Variants in NXPH1 observed in about 807,000 individuals in gnomAD.
The protein encoded by NXPH1 is neurexophilin-1.
Under a neutral mutation model 23.7 loss-of-function variants are expected in NXPH1, and 5 were observed. The observed-to-expected ratio is 0.21, with a 90% CI of 0.11 to 0.44. The LOEUF is 0.44. Ranked by LOEUF, NXPH1 falls within the 20% of genes least tolerant of loss-of-function variation. The pLI, the probability that NXPH1 is intolerant of heterozygous loss-of-function variation, is 0.99. For synonymous variants in NXPH1, 144 were observed against 122.2 expected (o/e 1.18, Z -1.18); for missense variants, 324 against 321.6 (o/e 1.01, Z -0.06).
At chr7:8,539,298 A>G (rs928116039) in intron 2 of NXPH1, among the ~76,000 whole-genome samples, 4 of 151,832 alleles carry the variant, frequency 2.6e-5, no homozygotes, top group Non-Finnish European at 5.9e-5. Context: ...CTTGCAGAAA[A>G]ACAGCTAAAG....
chr7:8,734,629 G>T (rs1780217186), intron 2 of NXPH1, among the ~76,000 whole-genome samples: 1 of 152,124 alleles, frequency 6.6e-6, no homozygotes, highest in Non-Finnish European at 1.5e-5. Flanking sequence ...GTCAATTTTA[G>T]AATAAGTGTG....
chr7:8,467,847 T>C (rs1035838984), intron 2 of NXPH1, among the ~76,000 whole-genome samples: 9 of 152,190 alleles, frequency 5.9e-5, no homozygotes, highest in Non-Finnish European at 8.8e-5. Flanking sequence ...GTTCTGCCTG[T>C]TTTCTTCTAG....
intron 2 of NXPH1, among the ~76,000 whole-genome samples, chr7:8,576,529 TG>T (rs1444163473): frequency 6.6e-6 from 1 of 152,166 alleles, no homozygotes; most frequent in Non-Finnish European, 1.5e-5. Flanking sequence ...ATGTAGCTTA[TG>T]GAAGAAAGTG....
intron 2 of NXPH1, among the ~76,000 whole-genome samples, chr7:8,541,189 A>G (rs895452533): frequency 6.6e-6 from 1 of 151,776 alleles, no homozygotes; most frequent in African/African-American, 2.4e-5. Flanking sequence ...ACTCTATCCC[A>G]TATGTTCAAA....
intron 2 of NXPH1, among the ~76,000 whole-genome samples, chr7:8,654,639 C>G (rs1179517848): frequency 1.3e-5 from 2 of 152,170 alleles, no homozygotes; most frequent in Non-Finnish European, 2.9e-5. Flanking sequence ...GCAATAGTCA[C>G]AATGATAGTG....
At chr7:8,638,779 AT>A (rs1345052079) in intron 2 of NXPH1, among the ~76,000 whole-genome samples, 1 of 152,160 alleles carries the variant, frequency 6.6e-6, no homozygotes, top group African/African-American at 2.4e-5. Context: ...CTGTATAATA[AT>A]TTGTAATATA....
chr7:8,678,386 C>A (rs1359114929), intron 2 of NXPH1, among the ~76,000 whole-genome samples: 1 of 152,166 alleles, frequency 6.6e-6, no homozygotes, highest in Non-Finnish European at 1.5e-5. Flanking sequence ...CTACTTATGT[C>A]TCTCTTATGT....
chr7:8,437,916 G>C (rs1816223644), intron 2 of NXPH1, among the ~76,000 whole-genome samples: 1 of 152,220 alleles, frequency 6.6e-6, no homozygotes, highest in African/African-American at 2.4e-5. Context: ...AATAGAGAAG[G>C]CTATTTAGAA....
intron 2 of NXPH1, among the ~76,000 whole-genome samples, chr7:8,520,637 G>GT (rs1817755944): frequency 1.3e-5 from 2 of 151,930 alleles, no homozygotes; most frequent in Non-Finnish European, 2.9e-5. Flanking sequence ...TATTCTCCCT[G>GT]GTTTTTCTTG....
intron 2 of NXPH1, among the ~76,000 whole-genome samples, chr7:8,527,481 G>A (rs1817881484): frequency 1.3e-5 from 2 of 152,144 alleles, no homozygotes; most frequent in South Asian, 4.1e-4. Context: ...CTTAAAAAAT[G>A]ACAGCATTAT....
At chr7:8,557,640 C>T (rs147251575) in intron 2 of NXPH1, among the ~76,000 whole-genome samples, 2,273 of 151,722 alleles carry the variant, frequency 0.015, 27 homozygotes, top group Middle Eastern at 0.054. Context: ...TTGTTATTTC[C>T]TTTAATGGTA....
intron 2 of NXPH1, among the ~76,000 whole-genome samples, chr7:8,579,353 A>T (rs370999811): frequency 2.8e-4 from 38 of 136,192 alleles, no homozygotes; most frequent in Middle Eastern, 3.4e-3. Flanking sequence ...ATGGAATTCA[A>T]GTTTTTTTTG....
chr7:8,570,809 T>A (rs1360537532), intron 2 of NXPH1, among the ~76,000 whole-genome samples: 1 of 151,848 alleles, frequency 6.6e-6, no homozygotes, highest in African/African-American at 2.4e-5. Flanking sequence ...CAGGGCATGA[T>A]ACAGTCATGG....
intron 2 of NXPH1, among the ~76,000 whole-genome samples, chr7:8,641,287 A>T (rs1820305308): frequency 6.6e-6 from 1 of 152,184 alleles, no homozygotes; most frequent in South Asian, 2.1e-4. Flanking sequence ...AATATTAAAT[A>T]ATAAAAAAGA....
At chr7:8,517,161 A>T (rs1485182039) in intron 2 of NXPH1, among the ~76,000 whole-genome samples, 1 of 152,174 alleles carries the variant, frequency 6.6e-6, no homozygotes, top group African/African-American at 2.4e-5. Context: ...ACTAGTGTGC[A>T]TAGTAGTGAC....
intron 2 of NXPH1, among the ~76,000 whole-genome samples, chr7:8,719,777 A>T (rs552751167): frequency 6.6e-6 from 1 of 152,196 alleles, no homozygotes; most frequent in Admixed American, 6.5e-5. Flanking sequence ...GAAATGAAAT[A>T]CTTTTATACA....
At chr7:8,528,200 C>A (rs560827977) in intron 2 of NXPH1, among the ~76,000 whole-genome samples, 120 of 152,334 alleles carry the variant, frequency 7.9e-4, no homozygotes, top group African/African-American at 2.8e-3. Context: ...AAGCCCCCCT[C>A]CTCCCCTGAA....
intron 2 of NXPH1, among the ~76,000 whole-genome samples, chr7:8,608,153 G>A (rs1393882397): frequency 6.6e-6 from 1 of 152,092 alleles, no homozygotes; most frequent in Non-Finnish European, 1.5e-5. Flanking sequence ...CCCAGTTTGT[G>A]GTACTTTGTT....
At chr7:8,696,249 C>T (rs570667970) in intron 2 of NXPH1, among the ~76,000 whole-genome samples, 1 of 152,266 alleles carries the variant, frequency 6.6e-6, no homozygotes, top group East Asian at 1.9e-4. Context: ...TCCAGGAAAT[C>T]CTATTAGAAA....
Sources: gnomAD v4.1 joint callset for allele counts (sites outside exome capture counted in the v4.1 genomes callset) on GRCh38, gnomAD v4.1.1 for gene constraint, MANE v1.5 for transcripts, NCBI Gene and HGNC (gene_info 2026-07-23, HGNC 2026-07-21) for gene names.